The following MIER2 variants were observed in gnomAD, a reference collection of about 807,000 sequenced individuals.
MIER2 encodes the protein mesoderm induction early response protein 2.
Under a neutral mutation model 67.6 loss-of-function variants are expected in MIER2, and 30 were observed. That is an observed-to-expected ratio of 0.44 (90% CI 0.33 to 0.60). The LOEUF (loss-of-function observed/expected upper bound fraction) is 0.60. Among genes scored for constraint, MIER2 ranks in the 20% least tolerant of loss-of-function variants. MIER2 has a pLI of 0.02. For synonymous variants in MIER2, 372 were observed against 312.6 expected, an observed-to-expected ratio of 1.19 and a Z score of -2.00; for missense variants, 702 against 745.1, an observed-to-expected ratio of 0.94 and a Z score of 0.67.
chr19:307,238 T>G lies in MIER2; in HGVS notation c.1497A>C (p.Pro499=), dbSNP rs1239993028. 3 of 1,593,880 alleles carry G rather than the reference T, an allele frequency of 1.9e-6. No homozygotes were observed. The highest frequency in any genetic ancestry group is 1.7e-4 in the Middle Eastern group (1 of 6,048). ...CGGTGACCGACAAAGCCACCTGTGC[T>G]GGGGCCACAGTCTCCTCCGGATCCC... The part of the protein sequence containing the change: ...LSGDPEETVA[P]AQVALSVTEF... The change falls in exon 13 of 14, where the codon CCA becomes CCC. Residue 499 remains proline, a synonymous_variant. Coordinates refer to ENST00000264819, the MANE Select transcript of MIER2 (RefSeq NM_017550.3).
chr19:309,703 G>GAC (rs35634309), intron 10 of MIER2, among the ~76,000 whole-genome samples: 3,124 of 47,120 alleles, frequency 0.066, 1,054 homozygotes, highest in East Asian at 0.47. Flanking sequence ...GACGAGAAGG[G>GAC]ACACACACAC....
chr19:306,750 G>A (rs1447341101), intron 13 of MIER2, 39 bp from the exon 14 acceptor site: 9 of 1,553,940 alleles, frequency 5.8e-6, no homozygotes, highest in Non-Finnish European at 7.0e-6. Context: ...GAGAGTGTCA[G>A]TGCGGCCCCA....
chr19:344,650 G>C (rs1317410222), intron 1 of MIER2, 124 bp downstream of exon 1: 7 of 603,978 alleles, frequency 1.2e-5, no homozygotes, highest in Non-Finnish European at 1.5e-5. Flanking sequence ...AGGCGCCCCG[G>C]CCGGCCTCAG....
chr19:321,990 C>T (rs1344868927), intron 7 of MIER2, among the ~76,000 whole-genome samples: 6 of 152,060 alleles, frequency 3.9e-5, no homozygotes, highest in Non-Finnish European at 5.9e-5. Flanking sequence ...CTGCAAGCTC[C>T]GCCTCCCGGG....
At chr19:319,647 C>A (rs897674415) in intron 7 of MIER2, among the ~76,000 whole-genome samples, 2 of 152,004 alleles carry the variant, frequency 1.3e-5, no homozygotes, top group South Asian at 4.2e-4. Flanking sequence ...TTAGTAGCGA[C>A]AGGGTTTCAC....
intron 7 of MIER2, among the ~76,000 whole-genome samples, chr19:318,689 G>A (rs1971364849): frequency 1.3e-5 from 2 of 152,160 alleles, no homozygotes; most frequent in South Asian, 4.1e-4. Flanking sequence ...TGGACATAAA[G>A]CGAGGTGCAA....
At chr19:320,782 G>C (rs1166885361) in intron 7 of MIER2, among the ~76,000 whole-genome samples, 4 of 152,212 alleles carry the variant, frequency 2.6e-5, no homozygotes, top group Admixed American at 6.5e-5. Context: ...ACCAGTCCCT[G>C]GTGCCAAAAA....
chr19:316,075 T>G (rs1352515887), intron 7 of MIER2, among the ~76,000 whole-genome samples: 1 of 152,098 alleles, frequency 6.6e-6, no homozygotes, highest in Non-Finnish European at 1.5e-5. Context: ...CCTGCAAACC[T>G]GGAAAAACAT....
At chr19:317,885 G>A (rs1317966769) in intron 7 of MIER2, among the ~76,000 whole-genome samples, 2 of 152,110 alleles carry the variant, frequency 1.3e-5, no homozygotes, top group East Asian at 3.9e-4. Flanking sequence ...TCTATTAAAA[G>A]ACAATGGTTT....
intron 7 of MIER2, among the ~76,000 whole-genome samples, chr19:320,790 A>G (rs1187390510): frequency 1.2e-4 from 18 of 152,234 alleles, no homozygotes; most frequent in Admixed American, 2.6e-4. Flanking sequence ...CTGGTGCCAA[A>G]AAAGGTTGGG....
intron 1 of MIER2, among the ~76,000 whole-genome samples, chr19:343,027 G>A (rs1972572176): frequency 6.6e-6 from 1 of 152,118 alleles, no homozygotes; most frequent in African/African-American, 2.4e-5. Flanking sequence ...CATCCCTGTA[G>A]GAGAGGCCCT....
rs373773408 is a variant in MIER2 at position 306,330 on chromosome 19, C to T, written c.*360G>A. On this transcript the variant is annotated 3_prime_UTR_variant, in exon 14 of 14. Coordinates refer to ENST00000264819, the MANE Select transcript of MIER2 (RefSeq NM_017550.3). ...CCGTCTCCCCGCCGGGGCAGTGACG[C>T]CTTCCCTCGCCTCTGCTGGCTGGAA... 3.0e-6 allele frequency: 1 copy of T among 332,462 alleles called. No individual in the cohort carries two copies. The highest frequency in any genetic ancestry group is 6.3e-5 in the South Asian group (1 of 15,808). The allele number at this position is 332,462 out of a possible 1,614,324, so 20.6% of individuals were successfully genotyped here.
At chr19:336,404 C>T (rs1228814101) in intron 1 of MIER2, among the ~76,000 whole-genome samples, 1 of 152,270 alleles carries the variant, frequency 6.6e-6, no homozygotes, top group African/African-American at 2.4e-5. Flanking sequence ...GCGTTCTCGC[C>T]CAGGGCAGGA....
chr19:339,693 T>G (rs1364807928), intron 1 of MIER2, among the ~76,000 whole-genome samples: 1 of 152,132 alleles, frequency 6.6e-6, no homozygotes, highest in African/African-American at 2.4e-5. Context: ...GAAAGACTCA[T>G]GCTCCTGAAA....
chr19:336,272 T>A, intron 1 of MIER2, 99 bp from the exon 2 acceptor site: 1 of 959,756 alleles, frequency 1.0e-6, no homozygotes, highest in Non-Finnish European at 1.6e-6. Context: ...CAGAGCCCAG[T>A]CCCCAGTGAC....
chr19:344,735 C>A (rs1972669700), intron 1 of MIER2, 39 bp downstream of exon 1: 1 of 1,136,456 alleles, frequency 8.8e-7, no homozygotes, highest in Non-Finnish European at 1.1e-6. Context: ...CGCGGACGCG[C>A]GGGGGCGGGG....
At chr19:329,908 G>A (rs1396181807) in intron 3 of MIER2, among the ~76,000 whole-genome samples, 2 of 150,648 alleles carry the variant, frequency 1.3e-5, no homozygotes, top group African/African-American at 2.4e-5. Context: ...GACAAAGTGA[G>A]CATTTTGTTA....
At chr19:331,972 C>T (rs113067385) in intron 3 of MIER2, among the ~76,000 whole-genome samples, 381 of 152,198 alleles carry the variant, frequency 2.5e-3, no homozygotes, top group African/African-American at 8.9e-3. Flanking sequence ...CAGAGCAAGA[C>T]TCCATCTCAA....
intron 5 of MIER2, chr19:326,872 T>C (rs1158020932): frequency 3.4e-6 from 2 of 585,688 alleles, no homozygotes; most frequent in Non-Finnish European, 5.9e-6. Context: ...AGGCCGGTTC[T>C]GGGAATGCTG....
Sources: allele counts gnomAD v4.1 joint callset (sites outside exome capture counted in the v4.1 genomes callset), GRCh38; gene constraint gnomAD v4.1.1; transcripts MANE v1.5; gene names NCBI Gene and HGNC (gene_info 2026-07-23, HGNC 2026-07-21).